The following CA10 variants were observed in gnomAD, a reference collection of about 807,000 sequenced individuals.
CA10 encodes the protein carbonic anhydrase-related protein 10.
A neutral mutation model predicts 44.2 loss-of-function variants in CA10; 14 were observed. The ratio of observed to expected loss-of-function variants is 0.32; its 90% CI spans 0.21 to 0.50. The LOEUF (loss-of-function observed/expected upper bound fraction) is 0.50, where lower values mean the gene tolerates loss of function less well. CA10 is among the 20% of genes least tolerant of loss of function. The probability of loss-of-function intolerance (pLI) is 0.99; values close to 1 mark genes in which losing one functional copy is unlikely to be tolerated. For synonymous variants in CA10, 159 were observed against 141.6 expected (o/e 1.12, Z -0.87); for missense variants, 350 against 409.7 (o/e 0.85, Z 1.26).
chr17:51,682,942 C>T (rs796113319), intron 4 of CA10, among the ~76,000 whole-genome samples: 9 of 152,290 alleles, frequency 5.9e-5, no homozygotes, highest in African/African-American at 1.2e-4. Context: ...ATAAGAACCA[C>T]CAGGCATGCT....
chr17:51,975,462 T>C (rs1023505917), intron 2 of CA10, among the ~76,000 whole-genome samples: 3 of 152,154 alleles, frequency 2.0e-5, no homozygotes, highest in Non-Finnish European at 4.4e-5. Context: ...GCAAATCACC[T>C]GAGGCCAGGA....
At chr17:51,717,135 T>C (rs1916138225) in intron 4 of CA10, among the ~76,000 whole-genome samples, 1 of 152,194 alleles carries the variant, frequency 6.6e-6, no homozygotes, top group Non-Finnish European at 1.5e-5. Flanking sequence ...TTTTTTGTTC[T>C]AATGCTTGGC....
At position 52,004,560 on chromosome 17, in the gene CA10, C is replaced by T. The variant is rs973046870; in HGVS notation, c.136+67759G>A. ...AGAGATTTTTAGTACAGCCATTCTACGCCTTAGACACTAACAAGACAATTA... is the reference window on the plus strand; with the variant it reads ...AGAGATTTTTAGTACAGCCATTCTATGCCTTAGACACTAACAAGACAATTA... On this transcript the variant is annotated intron_variant, in intron 2 of 8. Transcript: ENST00000451037. Among the ~76,000 whole-genome samples the T allele has an allele frequency of 1.3e-4, 20 of 152,012 alleles. 1 individual carries two copies. Among genetic ancestry groups the T allele is most frequent in the East Asian group, 3.9e-4 (2 of 5,128 alleles).
At chr17:52,049,795 C>T (rs1435563725) in intron 2 of CA10, among the ~76,000 whole-genome samples, 1 of 152,062 alleles carries the variant, frequency 6.6e-6, no homozygotes, top group Non-Finnish European at 1.5e-5. Context: ...CATTTATGTG[C>T]TGCATATAGA....
At chr17:51,800,155 T>C (rs1485948462) in intron 3 of CA10, among the ~76,000 whole-genome samples, 1 of 152,190 alleles carries the variant, frequency 6.6e-6, no homozygotes, top group Non-Finnish European at 1.5e-5. Flanking sequence ...TATAATGAAA[T>C]ATTATTCAGA....
chr17:51,975,438 G>A (rs1984428138), intron 2 of CA10, among the ~76,000 whole-genome samples: 1 of 152,148 alleles, frequency 6.6e-6, no homozygotes, highest in African/African-American at 2.4e-5. Flanking sequence ...CAGCACTTTG[G>A]GAGACCAAGG....
At chr17:51,901,276 G>C (rs933381689) in intron 3 of CA10, among the ~76,000 whole-genome samples, 3 of 152,040 alleles carry the variant, frequency 2.0e-5, no homozygotes, top group Admixed American at 1.3e-4. Flanking sequence ...GAATATTTTA[G>C]GGGGCAAAGG....
At chr17:52,057,864 G>C (rs1987274175) in intron 2 of CA10, among the ~76,000 whole-genome samples, 1 of 152,014 alleles carries the variant, frequency 6.6e-6, no homozygotes, top group African/African-American at 2.4e-5. Flanking sequence ...CACTCCCTAT[G>C]TTCCTTCCTT....
At chr17:51,652,937 T>A (rs1406696131) in intron 5 of CA10, among the ~76,000 whole-genome samples, 1 of 152,230 alleles carries the variant, frequency 6.6e-6, no homozygotes, top group Admixed American at 6.5e-5. Context: ...AGCAATTTCT[T>A]TTTTTATTAA....
intron 3 of CA10, among the ~76,000 whole-genome samples, chr17:51,890,371 T>C (rs1170655323): frequency 1.3e-5 from 2 of 152,212 alleles, no homozygotes; most frequent in African/African-American, 2.4e-5. Flanking sequence ...TGTTGCCATT[T>C]GCTCAATATT....
intron 6 of CA10, among the ~76,000 whole-genome samples, chr17:51,646,111 A>G (rs187761832): frequency 5.8e-4 from 89 of 152,346 alleles, no homozygotes; most frequent in Non-Finnish European, 1.0e-3. Flanking sequence ...TAAGAAATCA[A>G]TGCTTATCAT....
intron 3 of CA10, among the ~76,000 whole-genome samples, chr17:51,823,503 G>A (rs1208840672): frequency 6.6e-6 from 1 of 152,130 alleles, no homozygotes; most frequent in East Asian, 1.9e-4. Flanking sequence ...TGCATATCTG[G>A]GTTCTCCTCT....
At chr17:51,802,806 T>C (rs1461582503) in intron 3 of CA10, among the ~76,000 whole-genome samples, 1 of 152,130 alleles carries the variant, frequency 6.6e-6, no homozygotes, top group Non-Finnish European at 1.5e-5. Flanking sequence ...CCATGATATC[T>C]AACAGCCAAC....
chr17:51,928,932 G>T (rs1316711152), intron 3 of CA10, among the ~76,000 whole-genome samples: 1 of 152,058 alleles, frequency 6.6e-6, no homozygotes, highest in Non-Finnish European at 1.5e-5. Context: ...AATGCAAAAG[G>T]AACCATCAGA....
At chr17:52,007,104 G>T (rs1035364516) in intron 2 of CA10, among the ~76,000 whole-genome samples, 3 of 151,310 alleles carry the variant, frequency 2.0e-5, no homozygotes, top group Non-Finnish European at 3.0e-5. Flanking sequence ...TTTTTATATT[G>T]ATCTGATGTG....
chr17:51,659,502 C>T (rs1264131484), intron 4 of CA10, among the ~76,000 whole-genome samples: 1 of 152,052 alleles, frequency 6.6e-6, no homozygotes, highest in Non-Finnish European at 1.5e-5. Context: ...TCTGGAGAAC[C>T]CTGACTAATC....
chr17:51,919,184 T>C (rs1279025469), intron 3 of CA10, among the ~76,000 whole-genome samples: 1 of 152,232 alleles, frequency 6.6e-6, no homozygotes, highest in African/African-American at 2.4e-5. Context: ...TTTATTTTAA[T>C]TTTCCAACCA....
At chr17:51,930,824 A>T (rs1318585016) in intron 3 of CA10, among the ~76,000 whole-genome samples, 166 bp downstream of exon 3, 5 of 152,096 alleles carry the variant, frequency 3.3e-5, no homozygotes, top group Non-Finnish European at 7.4e-5. Context: ...AGGGAGAAAA[A>T]GCACAATTTA....
At chr17:51,894,520 G>A (rs541503073) in intron 3 of CA10, among the ~76,000 whole-genome samples, 1 of 152,164 alleles carries the variant, frequency 6.6e-6, no homozygotes, top group East Asian at 1.9e-4. Flanking sequence ...TCTGTCTTAA[G>A]AATTTATACC....
Sources: allele counts gnomAD v4.1 joint callset (sites outside exome capture counted in the v4.1 genomes callset), GRCh38; gene constraint gnomAD v4.1.1; transcripts MANE v1.5; gene names NCBI Gene and HGNC (gene_info 2026-07-23, HGNC 2026-07-21).